CSMD1: variants seen among roughly 807,000 people sequenced by gnomAD.
CSMD1 encodes CUB and Sushi multiple domains 1.
In CSMD1, 213 loss-of-function variants were observed where a neutral mutation model predicts 417.5. The observed-to-expected ratio is 0.51, with a 90% CI of 0.46 to 0.57. The LOEUF is 0.57. CSMD1 is among the 20% of genes least tolerant of loss of function. CSMD1 has a pLI of 0.00. For missense variants in CSMD1, 6,923 were observed against 4,529.7 expected (o/e 1.53, Z -15.17); for synonymous variants, 2,862 against 1,736.8 (o/e 1.65, Z -16.11).
chr8:4,804,234 C>A (rs1372715991), intron 1 of CSMD1, among the ~76,000 whole-genome samples: 1 of 152,022 alleles, frequency 6.6e-6, no homozygotes, highest in Non-Finnish European at 1.5e-5. Context: ...AGTTAAAATA[C>A]ACCTTCTAAA....
chr8:4,749,702 TA>T (rs1811180713), intron 1 of CSMD1, among the ~76,000 whole-genome samples: 2 of 152,184 alleles, frequency 1.3e-5, no homozygotes, highest in African/African-American at 4.8e-5. Flanking sequence ...AATTTCAACT[TA>T]AGAAATTCAT....
chr8:3,688,185 T>A (rs376897775), intron 7 of CSMD1, among the ~76,000 whole-genome samples: 9 of 152,318 alleles, frequency 5.9e-5, no homozygotes, highest in African/African-American at 1.9e-4. Context: ...TGGGCATAAA[T>A]TGGACACAAT....
intron 1 of CSMD1, among the ~76,000 whole-genome samples, chr8:4,715,409 T>G (rs548561297): frequency 1.3e-5 from 2 of 152,190 alleles, no homozygotes; most frequent in Non-Finnish European, 2.9e-5. Flanking sequence ...AACAGATACC[T>G]TTATTCATCT....
rs141174373 is a variant in CSMD1, at chr8:4,373,370, T to G, written c.415+46583A>C. 4.5e-3 allele frequency among the ~76,000 whole-genome samples: 681 copies of G among 152,322 alleles called. 3 individuals carry two copies. Among genetic ancestry groups the G allele is most frequent in the African/African-American group, 0.016 (662 of 41,564 alleles). On this transcript the variant is annotated intron_variant, in intron 3 of 69. Transcript: ENST00000635120. The stretch of plus-strand genomic sequence containing the variant: ...TAATAACGTGTCACTGTTGGTTTAT[T>G]AACTGCAACAAATGTGCCACCAGAA...
At position 3,284,431 on chromosome 8, in the gene CSMD1, G is replaced by T. The variant is rs3802298; in HGVS notation, c.3951-85C>A. 736 of 996,688 alleles carry T rather than the reference G, an allele frequency of 7.4e-4. 10 individuals carry two copies. In the East Asian group the frequency reaches 0.015, roughly 21 times the overall value. 61.7% of individuals were successfully genotyped at this position (996,688 alleles called of 1,614,324 possible). ...GCTGTAAAGTAAGCAAGCTCATTTC[G>T]CTTTCACACAACCCCCACCAACATG... is the stretch of plus-strand genomic sequence containing the variant. On this transcript the variant is annotated intron_variant, in intron 25 of 69. Coordinates refer to ENST00000635120, the MANE Select transcript of CSMD1 (RefSeq NM_033225.6).
intron 3 of CSMD1, among the ~76,000 whole-genome samples, chr8:4,086,194 T>G (rs1585283490): frequency 6.6e-6 from 1 of 152,156 alleles, no homozygotes; most frequent in East Asian, 1.9e-4. Flanking sequence ...TAATAAAACC[T>G]TACAGCTACA....
At position 4,191,864 on chromosome 8, in the gene CSMD1, T is replaced by C. The variant is rs990478255; in HGVS notation, c.416-159765A>G. 2.0e-5 allele frequency among the ~76,000 whole-genome samples: 3 copies of C among 151,984 alleles called. No homozygotes were observed. In the East Asian group the frequency reaches 5.8e-4, roughly 30 times the overall value. On this transcript the variant is annotated intron_variant, in intron 3 of 69. Transcript: ENST00000635120. ...AAAATCAACAGTCAGTTTCCAGACCTCAGCAACATCAAAATTTGACAACAA... is the reference window on the plus strand; with the variant it reads ...AAAATCAACAGTCAGTTTCCAGACCCCAGCAACATCAAAATTTGACAACAA...
At chr8:4,723,097 C>G (rs1377208236) in intron 1 of CSMD1, among the ~76,000 whole-genome samples, 2 of 152,230 alleles carry the variant, frequency 1.3e-5, no homozygotes, top group African/African-American at 4.8e-5. Flanking sequence ...TGTCTGGATA[C>G]TTATATATCT....
chr8:3,697,228 TAGTC>T (rs1554514668), intron 7 of CSMD1, among the ~76,000 whole-genome samples: 3 of 152,196 alleles, frequency 2.0e-5, no homozygotes, highest in Non-Finnish European at 4.4e-5. Flanking sequence ...CAGAAAATGG[TAGTC>T]AGTTTCAGTT....
At chr8:4,183,765 T>G (rs1052693277) in intron 3 of CSMD1, among the ~76,000 whole-genome samples, 1 of 152,218 alleles carries the variant, frequency 6.6e-6, no homozygotes, top group Non-Finnish European at 1.5e-5. Flanking sequence ...GAGTATTTCG[T>G]TGATGAAAGC....
At chr8:3,503,703 C>A (rs1441812128) in intron 10 of CSMD1, among the ~76,000 whole-genome samples, 4 of 152,184 alleles carry the variant, frequency 2.6e-5, no homozygotes, top group African/African-American at 4.8e-5. Flanking sequence ...TGGATGTCCC[C>A]CATCCACTGG....
chr8:3,918,962 C>G (rs1466480405), intron 5 of CSMD1, among the ~76,000 whole-genome samples: 1 of 151,928 alleles, frequency 6.6e-6, no homozygotes, highest in Non-Finnish European at 1.5e-5. Flanking sequence ...ATCAAAATCT[C>G]ACAAATCACC....
At chr8:4,047,659 G>T (rs964145161) in intron 3 of CSMD1, among the ~76,000 whole-genome samples, 4 of 152,034 alleles carry the variant, frequency 2.6e-5, no homozygotes, top group African/African-American at 9.7e-5. Context: ...TATATTTGGG[G>T]CATGCAGAGA....
intron 7 of CSMD1, among the ~76,000 whole-genome samples, chr8:3,694,773 A>G (rs1800454962): frequency 6.6e-6 from 1 of 151,726 alleles, no homozygotes; most frequent in South Asian, 2.1e-4. Flanking sequence ...AAGTGGAAAG[A>G]GCGGTCCAAG....
chr8:4,582,325 C>T (rs1799462530), intron 2 of CSMD1, among the ~76,000 whole-genome samples: 1 of 152,106 alleles, frequency 6.6e-6, no homozygotes, highest in African/African-American at 2.4e-5. Context: ...TCCTGCAGAG[C>T]CAAATTAGAA....
chr8:3,516,776 A>C (rs577026106), intron 10 of CSMD1, among the ~76,000 whole-genome samples: 1 of 152,302 alleles, frequency 6.6e-6, no homozygotes, highest in East Asian at 1.9e-4. Flanking sequence ...CTGTAGTTAC[A>C]TAACTAAAAG....
chr8:4,218,444 T>A (rs1462035980), intron 3 of CSMD1, among the ~76,000 whole-genome samples: 2 of 152,222 alleles, frequency 1.3e-5, no homozygotes, highest in African/African-American at 4.8e-5. Flanking sequence ...TATTCTGCCA[T>A]GCTTCATATT....
chr8:4,518,049 C>T (rs1010126534), intron 2 of CSMD1, among the ~76,000 whole-genome samples: 3 of 152,066 alleles, frequency 2.0e-5, no homozygotes, highest in Non-Finnish European at 4.4e-5. Context: ...GCACAGCTCA[C>T]GGAAAGGTTT....
intron 3 of CSMD1, among the ~76,000 whole-genome samples, chr8:4,206,078 G>C (rs535671861): frequency 6.6e-6 from 1 of 152,188 alleles, no homozygotes; most frequent in East Asian, 1.9e-4. Flanking sequence ...CAATTCAAAG[G>C]ACAGAAAGTG....
Sources: allele counts gnomAD v4.1 joint callset (sites outside exome capture counted in the v4.1 genomes callset), GRCh38; gene constraint gnomAD v4.1.1; transcripts MANE v1.5; gene names NCBI Gene and HGNC (gene_info 2026-07-23, HGNC 2026-07-21).